SLC35A1: variants seen among roughly 807,000 people sequenced by gnomAD.
SLC35A1 encodes the protein solute carrier family 35 member A1.
Under a neutral mutation model 40.3 loss-of-function variants are expected in SLC35A1, and 21 were observed. The observed-to-expected ratio is 0.52, with a 90% CI of 0.37 to 0.75. The LOEUF is 0.75. SLC35A1 is among the 30% of genes least tolerant of loss of function. The pLI, the probability that SLC35A1 is intolerant of heterozygous loss-of-function variation, is 0.00. For synonymous variants in SLC35A1, 146 were observed against 147.3 expected, an observed-to-expected ratio of 0.99 and a Z score of 0.06; for missense variants, 297 against 382.1, an observed-to-expected ratio of 0.78 and a Z score of 1.86.
At chr6:87,497,544 A>G (rs1203546920) in intron 2 of SLC35A1, among the ~76,000 whole-genome samples, 1 of 151,690 alleles carries the variant, frequency 6.6e-6, no homozygotes, top group Non-Finnish European at 1.5e-5. Context: ...GAGAAGTGAT[A>G]AGAAAGAAAA....
In SLC35A1 at chr6:87,489,535, C is replaced by CTTTTTT. The variant is rs36003216; in HGVS notation, c.195-10955_195-10950dup. 6.4e-4 allele frequency among the ~76,000 whole-genome samples: 63 copies of CTTTTTT among 99,034 alleles called. 1 individual carries two copies. Among genetic ancestry groups the CTTTTTT allele is most frequent in the Non-Finnish European group, 6.9e-4 (37 of 53,554 alleles). The allele number at this position is 99,034 out of a possible 152,430, so 65.0% of individuals were successfully genotyped here. A position where few individuals can be genotyped will look rare whatever the true frequency, so the allele number is the denominator to read the frequency against. On this transcript the variant is annotated intron_variant, in intron 2 of 7. Coordinates refer to ENST00000369552, the MANE Select transcript of SLC35A1 (RefSeq NM_006416.5). ...ACTTCTCAGCCTGCTCAACTGTGAG[C>CTTTTTT]TTTTTTTTTTTTTTTTTTTTTTTGT... is the stretch of plus-strand genomic sequence containing the variant.
intron 2 of SLC35A1, among the ~76,000 whole-genome samples, chr6:87,483,907 A>G (rs2127965811): frequency 6.6e-6 from 1 of 152,236 alleles, no homozygotes; most frequent in East Asian, 1.9e-4. Context: ...CCTAAGCCAT[A>G]CGAGGTAGCT....
chr6:87,474,753 T>C (rs548824322), intron 1 of SLC35A1, among the ~76,000 whole-genome samples: 2 of 152,354 alleles, frequency 1.3e-5, no homozygotes, highest in East Asian at 3.9e-4. Context: ...TGGTATTCCA[T>C]GTCAAAGCCC....
At chr6:87,510,124 A>C (rs1018782725) in intron 7 of SLC35A1, among the ~76,000 whole-genome samples, 50 of 152,202 alleles carry the variant, frequency 3.3e-4, no homozygotes, top group African/African-American at 1.1e-3. Flanking sequence ...CTTCATCTGT[A>C]AAATGGGAAT....
rs1485558222 is a variant in SLC35A1, at chr6:87,484,977, TTA to T, written c.194+7439_194+7440del. Among the ~76,000 whole-genome samples the T allele has an allele frequency of 2.6e-5, 4 of 152,160 alleles. 1 individual carries two copies. Among genetic ancestry groups the T allele is most frequent in the Admixed American group, 2.0e-4 (3 of 15,280 alleles). ...AGAGCTTTATAATGGTCTTTTAGAT[TTA>T]GTGTTTGCAAAAAAGTAAAATATTT... On this transcript the variant is annotated intron_variant, in intron 2 of 7. Coordinates refer to ENST00000369552, the MANE Select transcript of SLC35A1 (RefSeq NM_006416.5).
At chr6:87,510,740 G>A (rs1770236043) in intron 7 of SLC35A1, among the ~76,000 whole-genome samples, 1 of 152,062 alleles carries the variant, frequency 6.6e-6, no homozygotes, top group Non-Finnish European at 1.5e-5. Flanking sequence ...TGGGCACGGT[G>A]GCGCATGCTC....
intron 5 of SLC35A1, among the ~76,000 whole-genome samples, chr6:87,507,386 ATT>A (rs1350403231): frequency 6.6e-6 from 1 of 152,116 alleles, no homozygotes; most frequent in Non-Finnish European, 1.5e-5. Flanking sequence ...ATGCTATTTG[ATT>A]TTTTGCAATA....
chr6:87,487,728 T>C (rs1219103085), intron 2 of SLC35A1, among the ~76,000 whole-genome samples: 1 of 152,144 alleles, frequency 6.6e-6, no homozygotes. Context: ...ATGCAAAAAA[T>C]GTGGTACTGA....
intron 2 of SLC35A1, chr6:87,496,250 G>A (rs953739215): frequency 6.6e-6 from 1 of 152,140 alleles, no homozygotes; most frequent in Non-Finnish European, 1.5e-5. Context: ...TCAACATGGA[G>A]CTTCAGAATT....
chr6:87,489,825 G>A (rs887269828), intron 2 of SLC35A1, among the ~76,000 whole-genome samples: 7 of 148,936 alleles, frequency 4.7e-5, no homozygotes, highest in Admixed American at 1.3e-4. Context: ...CACCGCGCCT[G>A]GCCAAATTTT....
At chr6:87,480,549 T>C (rs1195418289) in intron 2 of SLC35A1, among the ~76,000 whole-genome samples, 1 of 152,230 alleles carries the variant, frequency 6.6e-6, no homozygotes, top group Non-Finnish European at 1.5e-5. Flanking sequence ...TTTTGTCATT[T>C]GGCATGAGGC....
chr6:87,497,138 C>T (rs1769754862), intron 2 of SLC35A1, among the ~76,000 whole-genome samples: 1 of 151,936 alleles, frequency 6.6e-6, no homozygotes, highest in Admixed American at 6.6e-5. Context: ...TCCTAAATCT[C>T]CTCTACTTTC....
At chr6:87,499,568 G>A (rs974939271) in intron 2 of SLC35A1, among the ~76,000 whole-genome samples, 1 of 151,000 alleles carries the variant, frequency 6.6e-6, no homozygotes, top group Non-Finnish European at 1.5e-5. Flanking sequence ...TAATCAATAT[G>A]CAGTCAAACA....
At position 87,511,887 on chromosome 6, in the gene SLC35A1, G is replaced by A. The variant is rs1042068242; in HGVS notation, c.*361G>A. The A allele has an allele frequency of 9.5e-6, 3 of 314,588 alleles. No individual in the cohort carries two copies. Among genetic ancestry groups the A allele is most frequent in the Non-Finnish European group, 1.8e-5 (3 of 162,792 alleles). 19.5% of individuals were successfully genotyped at this position (314,588 alleles called of 1,614,324 possible). The stretch of plus-strand genomic sequence containing the variant: ...AATGTCTAAGGGTTAAAGTGCCAAA[G>A]CCATTTCTGTACTAACTGTTCTCTT... On this transcript the variant is annotated 3_prime_UTR_variant, in exon 8 of 8. Transcript: ENST00000369552.
chr6:87,486,822 A>T (rs1301143420), intron 2 of SLC35A1, among the ~76,000 whole-genome samples: 1 of 152,194 alleles, frequency 6.6e-6, no homozygotes, highest in East Asian at 1.9e-4. Flanking sequence ...TCATCAGGGT[A>T]TCACAGTAGT....
chr6:87,502,183 T>C (rs1159200674), intron 4 of SLC35A1, among the ~76,000 whole-genome samples: 1 of 152,186 alleles, frequency 6.6e-6, no homozygotes, highest in Non-Finnish European at 1.5e-5. Context: ...ACAGACTTCC[T>C]GATCCCTGCC....
In SLC35A1 at chr6:87,511,619, A is replaced by G; in HGVS notation, c.*93A>G. 7.3e-7 allele frequency: 1 copy of G among 1,375,032 alleles called. No individual in the cohort carries two copies. The highest frequency in any genetic ancestry group is 1.7e-5 in the Admixed American group (1 of 59,706). The allele number at this position is 1,375,032 out of a possible 1,614,324, so 85.2% of individuals were successfully genotyped here. A position where few individuals can be genotyped will look rare whatever the true frequency, so the allele number is the denominator to read the frequency against. ...CTCAGAAGGTAGCATAAACAAATAA[A>G]AATTAACTGTATGGCATGATCAGTG... is the stretch of plus-strand genomic sequence containing the variant. On this transcript the variant is annotated 3_prime_UTR_variant, in exon 8 of 8. Transcript: ENST00000369552.
At chr6:87,480,628 C>T (rs1038027109) in intron 2 of SLC35A1, among the ~76,000 whole-genome samples, 1 of 152,116 alleles carries the variant, frequency 6.6e-6, no homozygotes, top group South Asian at 2.1e-4. Flanking sequence ...GAGAACAAAG[C>T]GCATCTTAAA....
chr6:87,504,922 ATAATG>A (rs1362628314), intron 4 of SLC35A1, among the ~76,000 whole-genome samples: 1 of 152,218 alleles, frequency 6.6e-6, no homozygotes, highest in African/African-American at 2.4e-5. Flanking sequence ...ATACTTGTTA[ATAATG>A]TATAGTCTAT....
Sources: allele counts gnomAD v4.1 joint callset (sites outside exome capture counted in the v4.1 genomes callset), GRCh38; gene constraint gnomAD v4.1.1; transcripts MANE v1.5; gene names NCBI Gene and HGNC (gene_info 2026-07-23, HGNC 2026-07-21).